CUX1: variants seen among roughly 807,000 people sequenced by gnomAD.
The protein encoded by CUX1 is protein CASP.
Under a neutral mutation model 158.8 loss-of-function variants are expected in CUX1, and 31 were observed. The observed-to-expected ratio is 0.20, with a 90% CI of 0.15 to 0.26. CUX1 has a LOEUF of 0.26. Among genes scored for constraint, CUX1 ranks in the 10% least tolerant of loss-of-function variants. CUX1 has a pLI of 1.00. For synonymous variants in CUX1, 879 were observed against 862.1 expected, an observed-to-expected ratio of 1.02 and a Z score of -0.34; for missense variants, 1,589 against 2,014.6, an observed-to-expected ratio of 0.79 and a Z score of 4.04.
chr7:102,088,705 A>C (rs1162281505), intron 4 of CUX1, among the ~76,000 whole-genome samples: 1 of 152,096 alleles, frequency 6.6e-6, no homozygotes, highest in Non-Finnish European at 1.5e-5. Flanking sequence ...CTCTCTCTGG[A>C]CTGACTGTTT....
chr7:101,923,397 C>A (rs1805199839), intron 2 of CUX1, among the ~76,000 whole-genome samples: 1 of 152,182 alleles, frequency 6.6e-6, no homozygotes, highest in Non-Finnish European at 1.5e-5. Context: ...AGGAGGAGAA[C>A]CACATTCCTG....
chr7:102,281,563 T>C (rs761948362), intron 20 of CUX1, among the ~76,000 whole-genome samples: 4 of 151,980 alleles, frequency 2.6e-5, no homozygotes, highest in Non-Finnish European at 5.9e-5. Context: ...CTCAGGAGGC[T>C]GAGGCAGGAG....
chr7:102,252,472 CACTT>C lies in CUX1; in HGVS notation c.*3432_*3435del. 2 of 985,464 alleles carry C rather than the reference CACTT, an allele frequency of 2.0e-6. No homozygotes were observed. The highest frequency in any genetic ancestry group is 1.7e-5 in the African/African-American group (1 of 57,360). 61.0% of individuals were successfully genotyped at this position (985,464 alleles called of 1,614,324 possible). ...GAAACGGTTCCATATAAAACACTAA[CACTT>C]AATTACAAGCTCCATTATGCCATTT... On this transcript the variant is annotated 3_prime_UTR_variant, in exon 24 of 24. Coordinates refer to ENST00000292535, the MANE Select transcript of CUX1 (RefSeq NM_181552.4).
At position 102,097,376 on chromosome 7, in the gene CUX1, C is replaced by T; in HGVS notation, c.281C>T (p.Ala94Val). 6.2e-7 allele frequency: 1 copy of T among 1,608,442 alleles called. No homozygotes were observed. The highest frequency in any genetic ancestry group is 8.5e-7 in the Non-Finnish European group (1 of 1,178,798). The change falls in exon 5 of 24, where the codon GCT (alanine) becomes GTT (valine). Residue 94 changes from alanine (A) to valine (V), a missense_variant. This residue lies in a region of CUX1 where 515 missense variants were observed against 574.4 expected (regional missense o/e 0.90). Coordinates refer to ENST00000292535, the MANE Select transcript of CUX1 (RefSeq NM_181552.4). The part of the protein sequence containing the change: ...RLIDVPDPVP[A>V]LDLGQQLQLK... ...TCCTGTTGTGCAGATCCCGTACCAG[C>T]TTTGGATCTCGGACAGCAACTCCAG...
chr7:102,077,528 T>TAAAA (rs35999980), intron 4 of CUX1, among the ~76,000 whole-genome samples: 6 of 113,918 alleles, frequency 5.3e-5, no homozygotes, highest in East Asian at 2.6e-4. Context: ...CCCATCTCTT[T>TAAAA]AAAAAAAAAA....
At chr7:102,020,032 A>G (rs954319831) in intron 2 of CUX1, among the ~76,000 whole-genome samples, 1 of 152,210 alleles carries the variant, frequency 6.6e-6, no homozygotes, top group Non-Finnish European at 1.5e-5. Flanking sequence ...TGGCCTATAC[A>G]CTGTAAAAAT....
chr7:102,240,890 G>A (rs1554534736), intron 23 of CUX1, among the ~76,000 whole-genome samples: 2 of 152,028 alleles, frequency 1.3e-5, no homozygotes, highest in Admixed American at 6.6e-5. Context: ...GCACGATCTC[G>A]GCTCACTGCA....
At chr7:101,827,788 G>A (rs62463719) in intron 1 of CUX1, among the ~76,000 whole-genome samples, 49,433 of 151,944 alleles carry the variant, frequency 0.33, 8,732 homozygotes, top group African/African-American at 0.44. Context: ...AAGGAAGAGA[G>A]AATATATTTA....
At position 101,847,015 on chromosome 7, in the gene CUX1, C is replaced by T. The variant is rs577207225; in HGVS notation, c.30+29346C>T. The stretch of plus-strand genomic sequence containing the variant: ...AAAAATTAGCTGACATGGTGGCACG[C>T]ACCTGTAAGTCTCAGCTACTGAGGA... On this transcript the variant is annotated intron_variant, in intron 1 of 23. Transcript: ENST00000292535. 2.6e-5 allele frequency among the ~76,000 whole-genome samples: 4 copies of T among 152,112 alleles called. No homozygotes were observed. The South Asian group carries it at 6.2e-4, about 24-fold the overall frequency.
chr7:101,911,824 G>A (rs1351408676), intron 1 of CUX1, among the ~76,000 whole-genome samples: 1 of 152,240 alleles, frequency 6.6e-6, no homozygotes, highest in East Asian at 1.9e-4. Context: ...CGGGCCACAC[G>A]GCTGCCAAGG....
intron 1 of CUX1, among the ~76,000 whole-genome samples, chr7:101,842,935 C>T (rs1294116957): frequency 1.4e-5 from 2 of 144,434 alleles, no homozygotes; most frequent in African/African-American, 2.6e-5. Flanking sequence ...TGCAGTGGCG[C>T]GATCTCGGCT....
chr7:102,140,423 T>G (rs892791383), intron 8 of CUX1, among the ~76,000 whole-genome samples: 2 of 152,116 alleles, frequency 1.3e-5, no homozygotes, highest in Admixed American at 6.5e-5. Context: ...TTTTTTGTAT[T>G]TTAGTAGAGA....
At chr7:102,124,726 T>C (rs2131235028) in intron 8 of CUX1, among the ~76,000 whole-genome samples, 1 of 152,210 alleles carries the variant, frequency 6.6e-6, no homozygotes, top group South Asian at 2.1e-4. Context: ...GTTTGAGAGA[T>C]GTATTAGACA....
In CUX1 at chr7:102,105,518, T is replaced by TA. The variant is rs1347699512; in HGVS notation, c.530+1059_530+1060insA. 8.8e-5 allele frequency among the ~76,000 whole-genome samples: 13 copies of TA among 147,164 alleles called. No homozygotes were observed. The East Asian group carries it at 2.1e-3, about 24-fold the overall frequency. Reference sequence around the variant, plus strand: ...ACCATATAGATCTTTTTTTTTTTTTTTTTTTTTTTTTAAGACAGAGTTTCA... The same window carrying TA: ...ACCATATAGATCTTTTTTTTTTTTTTATTTTTTTTTTTAAGACAGAGTTTCA... On this transcript the variant is annotated intron_variant, in intron 6 of 23. Transcript: ENST00000292535.
intron 1 of CUX1, among the ~76,000 whole-genome samples, chr7:101,831,086 C>T (rs928153701): frequency 3.3e-5 from 5 of 152,116 alleles, no homozygotes; most frequent in Middle Eastern, 3.4e-3. Flanking sequence ...TGGGGTATCG[C>T]GAGGTGTCCA....
At chr7:102,226,336 T>G (rs1219006963) in intron 20 of CUX1, among the ~76,000 whole-genome samples, 1 of 152,198 alleles carries the variant, frequency 6.6e-6, no homozygotes, top group Non-Finnish European at 1.5e-5. Context: ...GGTAGAACTC[T>G]AAAATGGAAG....
In CUX1 at chr7:101,979,729, AACCTCCACCTCC is replaced by A. The variant is rs1585158855; in HGVS notation, c.142-48368_142-48357del. ...TAGTAGCACAATGTCGGTTCACTGC[AACCTCCACCTCC>A]TGAGTTCAAGCAATTCTCATGCCTC... is the stretch of plus-strand genomic sequence containing the variant. On this transcript the variant is annotated intron_variant, in intron 2 of 23. Coordinates refer to ENST00000292535, the MANE Select transcript of CUX1 (RefSeq NM_181552.4). Among the ~76,000 whole-genome samples the A allele has an allele frequency of 3.9e-5, 6 of 152,094 alleles. No individual in the cohort carries two copies. The East Asian group carries it at 1.2e-3, about 30-fold the overall frequency.
At chr7:102,010,667 T>C (rs1817896146) in intron 2 of CUX1, among the ~76,000 whole-genome samples, 1 of 152,238 alleles carries the variant, frequency 6.6e-6, no homozygotes, top group Non-Finnish European at 1.5e-5. Flanking sequence ...GTCACATGCA[T>C]GTGTGGCACA....
chr7:102,122,611 A>G (rs782564190), intron 8 of CUX1, among the ~76,000 whole-genome samples: 1 of 152,210 alleles, frequency 6.6e-6, no homozygotes, highest in African/African-American at 2.4e-5. Context: ...TGGGGGCTAG[A>G]CAAAAACAAG....
Sources: gnomAD v4.1 joint callset for allele counts (sites outside exome capture counted in the v4.1 genomes callset) on GRCh38, gnomAD v4.1.1 for gene constraint, gnomAD v4.1.1 regional missense constraint, MANE v1.5 for transcripts, NCBI Gene and HGNC (gene_info 2026-07-23, HGNC 2026-07-21) for gene names.